TEX52: variants seen among roughly 807,000 people sequenced by gnomAD.
The protein encoded by TEX52 is testis expressed 52.
A neutral mutation model predicts 17.6 loss-of-function variants in TEX52; 22 were observed. The observed-to-expected ratio is 1.25, with a 90% CI of 0.89 to 1.78. TEX52 has a LOEUF of 1.78. Ranked by LOEUF, TEX52 falls within the 40% of genes most tolerant of loss-of-function variation. The pLI, the probability that TEX52 is intolerant of heterozygous loss-of-function variation, is 0.00. For synonymous variants in TEX52, 168 were observed against 147.4 expected (o/e 1.14, Z -1.01); for missense variants, 396 against 372.3 (o/e 1.06, Z -0.52).
chr12:2,853,877 C>T (rs2098079183), intron 2 of TEX52, among the ~76,000 whole-genome samples: 1 of 152,176 alleles, frequency 6.6e-6, no homozygotes, highest in Admixed American at 6.5e-5. Flanking sequence ...CCTGGAGGGG[C>T]TCAGCCACTG....
At chr12:2,855,746 G>A (rs562331164) in intron 1 of TEX52, among the ~76,000 whole-genome samples, 2 of 152,096 alleles carry the variant, frequency 1.3e-5, no homozygotes, top group East Asian at 1.9e-4. Flanking sequence ...TCCCTCCTCC[G>A]TTCTGGCATC....
At chr12:2,848,430 A>G (rs892369364), downstream of TEX52, among the ~76,000 whole-genome samples, 5 of 152,182 alleles carry the variant, frequency 3.3e-5, no homozygotes, top group Admixed American at 6.5e-5. Flanking sequence ...TCCCTGATAG[A>G]AAAAGCTGAG....
chr12:2,851,413 G>A (rs932359048), intron 2 of TEX52, among the ~76,000 whole-genome samples: 2 of 152,120 alleles, frequency 1.3e-5, no homozygotes, highest in Non-Finnish European at 2.9e-5. Flanking sequence ...CATGATCTTG[G>A]CTCACTGCAA....
intron 2 of TEX52, among the ~76,000 whole-genome samples, chr12:2,850,019 G>A (rs1016597366): frequency 5.9e-5 from 9 of 152,260 alleles, no homozygotes; most frequent in East Asian, 3.9e-4. Flanking sequence ...CCCCTGGTTC[G>A]GCAGATAGTC....
At position 2,849,275 on chromosome 12, in the gene TEX52, T is replaced by C; in HGVS notation, c.874A>G (p.Lys292Glu). 1 of 1,536,124 alleles carries C rather than the reference T, an allele frequency of 6.5e-7. No individual in the cohort carries two copies. The highest frequency in any genetic ancestry group is 8.7e-7 in the Non-Finnish European group (1 of 1,146,906). ...LHHLSKAQAS[K>E]SPARKRKRRP... Reference sequence around the variant, plus strand: ...CTCTTCCTCTTCCTTGCTGGGGATTTGCTTGCTTGTGCCTTGGAGAGATGG... The same window carrying C: ...CTCTTCCTCTTCCTTGCTGGGGATTCGCTTGCTTGTGCCTTGGAGAGATGG... The change falls in exon 3 of 3, where the codon AAA becomes GAA. Residue 292 changes from lysine to glutamate, a missense_variant. By Grantham distance (56) the Lys-to-Glu change is moderately conservative. Transcript: ENST00000637658.
rs539900660 is a variant in TEX52 at position 2,849,974 on chromosome 12, A to G, written c.624-449T>C. Among the ~76,000 whole-genome samples the G allele has an allele frequency of 2.0e-4, 30 of 152,298 alleles. 1 individual carries two copies. The South Asian group carries it at 5.2e-3, about 26-fold the overall frequency. On this transcript the variant is annotated intron_variant, in intron 2 of 2. Coordinates refer to ENST00000637658, the MANE Select transcript of TEX52 (RefSeq NM_001365174.2). ...CTTTTGTTTCTTTTAACACAGCTGA[A>G]TAGTGGCCAGTTTTCTATGACTCAG...
chr12:2,855,557 T>A, intron 1 of TEX52, 111 bp from the exon 2 acceptor site: 1 of 835,412 alleles, frequency 1.2e-6, no homozygotes, highest in Non-Finnish European at 1.7e-6. Flanking sequence ...AGCCCAGGAT[T>A]CTCATGAGGA....
Position 2,855,120 on chromosome 12 carries a change from G to A in TEX52, c.399C>T (p.Pro133=). 1.3e-6 allele frequency: 2 copies of A among 1,534,194 alleles called. No individual in the cohort carries two copies. Among genetic ancestry groups the A allele is most frequent in the South Asian group, 1.2e-5 (1 of 83,960 alleles). The change falls in exon 2 of 3, where the codon CCC becomes CCT. Residue 133 remains proline, a synonymous_variant. Coordinates refer to ENST00000637658, the MANE Select transcript of TEX52 (RefSeq NM_001365174.2). Reference sequence around the variant, plus strand: ...GAGGGGGGATGGGGTGCTCCGTGGGGGGGCATCTGTGGGCATTGGAGTCGG... The same window carrying A: ...GAGGGGGGATGGGGTGCTCCGTGGGAGGGCATCTGTGGGCATTGGAGTCGG... ...WLTDSNAHRC[P]PTEHPIPPPS...
intron 1 of TEX52, among the ~76,000 whole-genome samples, chr12:2,856,727 AC>A (rs1390797268): frequency 1.3e-5 from 2 of 152,142 alleles, no homozygotes; most frequent in Non-Finnish European, 2.9e-5. Flanking sequence ...AGTCATTTCT[AC>A]AGGATCACCC....
intron 2 of TEX52, among the ~76,000 whole-genome samples, chr12:2,854,069 C>T (rs189880256): frequency 7.1e-4 from 108 of 152,224 alleles, no homozygotes; most frequent in African/African-American, 2.4e-3. Flanking sequence ...CTTGTTGCCC[C>T]GGCTGGAGTG....
downstream of TEX52, among the ~76,000 whole-genome samples, chr12:2,848,101 C>T (rs1022162695): frequency 6.6e-6 from 1 of 152,198 alleles, no homozygotes; most frequent in African/African-American, 2.4e-5. Flanking sequence ...AGTGACTTTT[C>T]CAAAGGTCAC....
At chr12:2,856,856 C>T in intron 1 of TEX52, 99 bp downstream of exon 1, 1 of 687,230 alleles carries the variant, frequency 1.5e-6, no homozygotes, top group Non-Finnish European at 2.7e-6. Context: ...ATGGGCCAGG[C>T]AGTCTGCTGC....
intron 2 of TEX52, among the ~76,000 whole-genome samples, chr12:2,851,171 A>C (rs2098069710): frequency 6.6e-6 from 1 of 151,702 alleles, no homozygotes; most frequent in East Asian, 1.9e-4. Flanking sequence ...CTGAAAAAAA[A>C]AAATTAAAGA....
chr12:2,853,586 G>T (rs980785180), intron 2 of TEX52, among the ~76,000 whole-genome samples: 14 of 150,136 alleles, frequency 9.3e-5, no homozygotes, highest in African/African-American at 2.5e-4. Context: ...TTTTTTTGTT[G>T]TTGTTGTTGT....
chr12:2,851,532 A>G (rs1418693336), intron 2 of TEX52, among the ~76,000 whole-genome samples: 3 of 151,596 alleles, frequency 2.0e-5, no homozygotes, highest in African/African-American at 2.4e-5. Context: ...TAGTGGAGAC[A>G]GGGTTTCGCC....
intron 1 of TEX52, among the ~76,000 whole-genome samples, chr12:2,856,522 T>C (rs972356676): frequency 7.2e-5 from 11 of 152,120 alleles, no homozygotes; most frequent in African/African-American, 1.7e-4. Flanking sequence ...CGTGCCACCA[T>C]GCCTGGCTAA....
intron 1 of TEX52, 59 bp from the exon 2 acceptor site, chr12:2,855,505 G>T: frequency 7.7e-7 from 1 of 1,304,410 alleles, no homozygotes; most frequent in South Asian, 1.9e-5. Context: ...GCAGAAAGGT[G>T]GGTGAGGCAC....
chr12:2,850,257 C>G (rs778334753), intron 2 of TEX52, among the ~76,000 whole-genome samples: 26 of 152,012 alleles, frequency 1.7e-4, no homozygotes, highest in Non-Finnish European at 3.5e-4. Context: ...GGGTGGATCA[C>G]AAGGTCAAGA....
downstream of TEX52, among the ~76,000 whole-genome samples, chr12:2,847,920 C>G (rs1007270796): frequency 6.6e-6 from 1 of 152,292 alleles, no homozygotes; most frequent in African/African-American, 2.4e-5. Context: ...AATATTCTAT[C>G]TACTTATTAT....
Sources: gnomAD v4.1 joint callset for allele counts (sites outside exome capture counted in the v4.1 genomes callset) on GRCh38, gnomAD v4.1.1 for gene constraint, MANE v1.5 for transcripts, NCBI Gene and HGNC (gene_info 2026-07-23, HGNC 2026-07-21) for gene names.